The following FIP1L1 variants were observed in gnomAD, a reference collection of about 807,000 sequenced individuals.
FIP1L1 encodes the protein pre-mRNA 3'-end-processing factor FIP1.
In FIP1L1, 21 loss-of-function variants were observed where a neutral mutation model predicts 84.6. The ratio of observed to expected loss-of-function variants is 0.25; its 90% CI spans 0.18 to 0.36. FIP1L1 has a LOEUF of 0.36. Ranked by LOEUF, FIP1L1 falls within the 10% of genes least tolerant of loss-of-function variation. The pLI, the probability that FIP1L1 is intolerant of heterozygous loss-of-function variation, is 1.00. For synonymous variants in FIP1L1, 263 were observed against 242.3 expected (o/e 1.09, Z -0.80); for missense variants, 526 against 751.1 (o/e 0.70, Z 3.50).
At chr4:53,395,480 G>C (rs1459571213) in intron 9 of FIP1L1, among the ~76,000 whole-genome samples, 1 of 152,114 alleles carries the variant, frequency 6.6e-6, no homozygotes, top group Non-Finnish European at 1.5e-5. Context: ...TAGGCTTTGG[G>C]GGGAAGGGGA....
intron 9 of FIP1L1, among the ~76,000 whole-genome samples, chr4:53,397,721 A>T (rs898614759): frequency 6.6e-6 from 1 of 152,206 alleles, no homozygotes; most frequent in Non-Finnish European, 1.5e-5. Flanking sequence ...TACTGATCGC[A>T]GATTGGAATT....
chr4:53,419,827 A>C (rs1160733974), intron 11 of FIP1L1, among the ~76,000 whole-genome samples: 4 of 152,134 alleles, frequency 2.6e-5, no homozygotes, highest in African/African-American at 4.8e-5. Flanking sequence ...TTGAAAGATA[A>C]ATCAGCCAGG....
At position 53,414,613 on chromosome 4, in the gene FIP1L1, A is replaced by G. The variant is rs1758652728; in HGVS notation, c.816-2A>G. ...AAAAACATAGAAAATTTATCTCACCAGAAACAGCACTTCTTCTCAGTCTCA... is the reference window on the plus strand; with the variant it reads ...AAAAACATAGAAAATTTATCTCACCGGAAACAGCACTTCTTCTCAGTCTCA... On this transcript the variant is annotated splice_acceptor_variant, in intron 10 of 17. Transcript: ENST00000337488. LOFTEE classifies it high-confidence loss of function. 6.2e-7 allele frequency: 1 copy of G among 1,607,304 alleles called. No individual in the cohort carries two copies. The highest frequency in any genetic ancestry group is 8.5e-7 in the Non-Finnish European group (1 of 1,174,778).
At chr4:53,418,826 TATA>T (rs1269956449) in intron 11 of FIP1L1, among the ~76,000 whole-genome samples, 1 of 152,232 alleles carries the variant, frequency 6.6e-6, no homozygotes. Flanking sequence ...ACACAATACT[TATA>T]ATAAAACTGG....
intron 10 of FIP1L1, among the ~76,000 whole-genome samples, chr4:53,409,573 T>C (rs1465195312): frequency 6.6e-6 from 1 of 152,242 alleles, no homozygotes; most frequent in Non-Finnish European, 1.5e-5. Context: ...TGTCTTTTTG[T>C]CTGTGCCCTG....
chr4:53,422,223 T>C (rs1240681122), intron 11 of FIP1L1, among the ~76,000 whole-genome samples: 1 of 152,198 alleles, frequency 6.6e-6, no homozygotes, highest in African/African-American at 2.4e-5. Context: ...TTGTTTCTTT[T>C]GCTTTTTTCC....
chr4:53,444,488 G>A (rs1314444884), intron 15 of FIP1L1, among the ~76,000 whole-genome samples: 1 of 152,010 alleles, frequency 6.6e-6, no homozygotes, highest in Non-Finnish European at 1.5e-5. Context: ...ATCATGTGTA[G>A]GTCCCCTTTC....
At chr4:53,457,471 A>C (rs1180855860) in intron 16 of FIP1L1, among the ~76,000 whole-genome samples, 3 of 152,168 alleles carry the variant, frequency 2.0e-5, no homozygotes, top group Admixed American at 2.0e-4. Flanking sequence ...CTAAAATTTT[A>C]ATGTATCACA....
In FIP1L1 at chr4:53,399,849, A is replaced by G. The variant is rs768525517; in HGVS notation, c.815+10A>G. 13 of 1,551,474 alleles carry G rather than the reference A, an allele frequency of 8.4e-6. No individual in the cohort carries two copies. The highest frequency in any genetic ancestry group is 3.4e-5 in the Admixed American group (2 of 59,544). On this transcript the variant is annotated intron_variant, in intron 10 of 17. Coordinates refer to ENST00000337488, the MANE Select transcript of FIP1L1 (RefSeq NM_030917.4). ...GGCTTCCACCGAGCAGGTTAGTTAC[A>G]TAGTTATAACTCAATTACTGTACGA...
intron 11 of FIP1L1, among the ~76,000 whole-genome samples, chr4:53,424,716 C>A (rs1763667285): frequency 6.6e-6 from 1 of 152,016 alleles, no homozygotes. Flanking sequence ...CTTACTAACT[C>A]ATGATTTCCA....
chr4:53,446,439 C>A (rs1489380700), intron 15 of FIP1L1, among the ~76,000 whole-genome samples: 1 of 152,158 alleles, frequency 6.6e-6, no homozygotes, highest in Non-Finnish European at 1.5e-5. Flanking sequence ...GCTCCAAGTT[C>A]CTTCCCTTTT....
At position 53,444,111 on chromosome 4, in the gene FIP1L1, G is replaced by C. The variant is rs748277978; in HGVS notation, c.1285+8G>C. The C allele has an allele frequency of 6.4e-7, 1 of 1,562,206 alleles. No homozygotes were observed. The highest frequency in any genetic ancestry group is 1.3e-5 in the African/African-American group (1 of 74,248). ...CATTTCCATATGGCAATGGTAAGTA[G>C]TATTATTTAGATGCCTAGATTCAGT... On this transcript the variant is annotated splice_region_variant and intron_variant, in intron 15 of 17. Coordinates refer to ENST00000337488, the MANE Select transcript of FIP1L1 (RefSeq NM_030917.4).
At chr4:53,394,986 G>C (rs1035906774) in intron 9 of FIP1L1, among the ~76,000 whole-genome samples, 4 of 152,030 alleles carry the variant, frequency 2.6e-5, no homozygotes, top group African/African-American at 9.7e-5. Context: ...AGCATAATTT[G>C]GGTGAGTATT....
At chr4:53,394,194 C>T (rs1746027051) in intron 9 of FIP1L1, among the ~76,000 whole-genome samples, 1 of 152,028 alleles carries the variant, frequency 6.6e-6, no homozygotes, top group Non-Finnish European at 1.5e-5. Flanking sequence ...TAATGATAGG[C>T]TGTTTTGTTT....
intron 10 of FIP1L1, among the ~76,000 whole-genome samples, chr4:53,400,406 A>G (rs867477117): frequency 1.3e-5 from 2 of 152,220 alleles, no homozygotes; most frequent in South Asian, 2.1e-4. Flanking sequence ...TGGTTACCCT[A>G]TTATGCCATT....
At chr4:53,433,456 G>A (rs1396597463) in intron 13 of FIP1L1, among the ~76,000 whole-genome samples, 1 of 152,026 alleles carries the variant, frequency 6.6e-6, no homozygotes, top group East Asian at 1.9e-4. Context: ...TAACTTTATG[G>A]TAGGCTTTAA....
chr4:53,455,171 T>C (rs935223904), intron 16 of FIP1L1, among the ~76,000 whole-genome samples: 7 of 152,200 alleles, frequency 4.6e-5, no homozygotes, highest in African/African-American at 1.7e-4. Context: ...TTTGTTCTTC[T>C]ATCCAGACAC....
At chr4:53,430,546 A>T (rs1023002887) in intron 13 of FIP1L1, among the ~76,000 whole-genome samples, 3 of 151,790 alleles carry the variant, frequency 2.0e-5, no homozygotes, top group African/African-American at 7.3e-5. Flanking sequence ...CGCCATGTCC[A>T]GGCTGGTCTT....
chr4:53,390,402 T>A (rs1478851265), intron 6 of FIP1L1, 119 bp from the exon 7 acceptor site: 1 of 586,554 alleles, frequency 1.7e-6, no homozygotes, highest in Non-Finnish European at 3.0e-6. Context: ...GTTTGTTTTC[T>A]GTTTGTGTGT....
Sources: gnomAD v4.1 joint callset for allele counts (sites outside exome capture counted in the v4.1 genomes callset) on GRCh38, gnomAD v4.1.1 for gene constraint, MANE v1.5 for transcripts, NCBI Gene and HGNC (gene_info 2026-07-23, HGNC 2026-07-21) for gene names.